The following CNTNAP5 variants were observed in gnomAD, a reference collection of about 807,000 sequenced individuals.
The protein encoded by CNTNAP5 is contactin associated protein family member 5.
CNTNAP5 carries 72 observed loss-of-function variants against 150.2 expected under a neutral mutation model. The observed-to-expected ratio is 0.48, with a 90% CI of 0.40 to 0.58. CNTNAP5 has a LOEUF of 0.58. Among genes scored for constraint, CNTNAP5 ranks in the 20% least tolerant of loss-of-function variants. The pLI, the probability that CNTNAP5 is intolerant of heterozygous loss-of-function variation, is 0.00. For synonymous variants in CNTNAP5, 672 were observed against 619.8 expected, an observed-to-expected ratio of 1.08 and a Z score of -1.25; for missense variants, 1,636 against 1,626.2, an observed-to-expected ratio of 1.01 and a Z score of -0.10.
At chr2:124,835,055 TA>T in intron 19 of CNTNAP5, among the ~76,000 whole-genome samples, 1 of 152,158 alleles carries the variant, frequency 6.6e-6, no homozygotes, top group East Asian at 1.9e-4. Flanking sequence ...TCACAATGCT[TA>T]AAACAGGGAT....
intron 1 of CNTNAP5, among the ~76,000 whole-genome samples, chr2:124,121,696 C>A (rs181409184): frequency 2.0e-5 from 3 of 152,220 alleles, no homozygotes; most frequent in East Asian, 3.9e-4. Context: ...GAACTCCTTG[C>A]CCCATCCCCC....
intron 12 of CNTNAP5, among the ~76,000 whole-genome samples, chr2:124,638,372 G>C (rs1678016477): frequency 6.6e-6 from 1 of 151,952 alleles, no homozygotes; most frequent in Non-Finnish European, 1.5e-5. Flanking sequence ...TAAAGTTAAA[G>C]ATTTCCTTGA....
intron 7 of CNTNAP5, among the ~76,000 whole-genome samples, chr2:124,480,712 G>A (rs78595587): frequency 0.022 from 3,297 of 152,130 alleles, 70 homozygotes; most frequent in South Asian, 0.054. Context: ...TCTCTTGATC[G>A]AAGGAATCAT....
At chr2:124,547,930 C>A (rs911963298) in intron 10 of CNTNAP5, among the ~76,000 whole-genome samples, 2 of 152,176 alleles carry the variant, frequency 1.3e-5, no homozygotes, top group African/African-American at 2.4e-5. Context: ...TCTCTTCCTG[C>A]TGTTTAGAGA....
chr2:124,588,663 A>G (rs1041448905), intron 11 of CNTNAP5, among the ~76,000 whole-genome samples: 8 of 152,154 alleles, frequency 5.3e-5, no homozygotes, highest in African/African-American at 1.4e-4. Context: ...AGATTAATGT[A>G]TCAGATCATG....
In CNTNAP5 at chr2:124,854,327, C is replaced by T. The variant is rs556317489; in HGVS notation, c.3218-10979C>T. Among the ~76,000 whole-genome samples the T allele has an allele frequency of 2.0e-5, 3 of 152,318 alleles. No individual in the cohort carries two copies. The East Asian group carries it at 5.8e-4, about 29-fold the overall frequency. On this transcript the variant is annotated intron_variant, in intron 19 of 23. Transcript: ENST00000682447. ...GGCACATACTTTATATACATCTGCA[C>T]TCCTTGGTTTAAATCCCATTTCATT... is the stretch of plus-strand genomic sequence containing the variant.
chr2:124,172,293 T>C (rs368060980), intron 1 of CNTNAP5, among the ~76,000 whole-genome samples: 2 of 152,332 alleles, frequency 1.3e-5, no homozygotes, highest in African/African-American at 4.8e-5. Context: ...ATTATAAAAG[T>C]GAGACGTGCT....
intron 18 of CNTNAP5, among the ~76,000 whole-genome samples, chr2:124,796,468 G>A (rs185592523): frequency 6.6e-6 from 1 of 152,322 alleles, no homozygotes; most frequent in African/African-American, 2.4e-5. Context: ...CACTGTCACA[G>A]ATGTCTGCTG....
chr2:124,726,869 T>C (rs1259218239), intron 13 of CNTNAP5, among the ~76,000 whole-genome samples: 2 of 152,056 alleles, frequency 1.3e-5, no homozygotes, highest in African/African-American at 4.8e-5. Flanking sequence ...TTTTTACTTT[T>C]GTTGTCTGTG....
At chr2:124,179,862 C>T (rs2699377) in intron 1 of CNTNAP5, among the ~76,000 whole-genome samples, 22,811 of 152,160 alleles carry the variant, frequency 0.15, 2,114 homozygotes, top group East Asian at 0.38. Flanking sequence ...AAGCTTGATG[C>T]TGCTCATCTG....
At chr2:124,897,936 AGTGTGTGTGTGTGTGTGT>A (rs56154943) in intron 21 of CNTNAP5, among the ~76,000 whole-genome samples, 3 of 142,110 alleles carry the variant, frequency 2.1e-5, no homozygotes, top group East Asian at 2.1e-4. Context: ...GCAAATGCCA[AGTGTGTGTGTGTGTGTGT>A]GTGTGTGTGT....
intron 13 of CNTNAP5, among the ~76,000 whole-genome samples, chr2:124,717,092 G>T (rs778614135): frequency 7.2e-5 from 11 of 152,056 alleles, no homozygotes; most frequent in Non-Finnish European, 1.6e-4. Flanking sequence ...ATTTTAATCA[G>T]GAGCACCATC....
intron 11 of CNTNAP5, among the ~76,000 whole-genome samples, chr2:124,569,984 C>A (rs1696115008): frequency 6.6e-6 from 1 of 152,080 alleles, no homozygotes; most frequent in African/African-American, 2.4e-5. Context: ...ACACTTGTAC[C>A]AGTCACATTC....
At chr2:124,740,340 T>C (rs1680471448) in intron 13 of CNTNAP5, among the ~76,000 whole-genome samples, 2 of 152,230 alleles carry the variant, frequency 1.3e-5, no homozygotes, top group Middle Eastern at 6.8e-3. Context: ...CATGGGTAAG[T>C]GGCATCGAGA....
At chr2:124,309,692 C>T (rs6758687) in intron 3 of CNTNAP5, among the ~76,000 whole-genome samples, 30,399 of 152,092 alleles carry the variant, frequency 0.2, 3,189 homozygotes, top group East Asian at 0.36. Context: ...TTAGCCAGAG[C>T]GGTGCCTCCC....
intron 11 of CNTNAP5, among the ~76,000 whole-genome samples, chr2:124,584,966 C>T (rs1442377879): frequency 1.3e-5 from 2 of 152,192 alleles, no homozygotes; most frequent in Admixed American, 6.5e-5. Flanking sequence ...AAAGCTCTCA[C>T]ATTGTATGAG....
At chr2:124,598,310 AGATGGGTTTTTGGTGTG>A in intron 11 of CNTNAP5, among the ~76,000 whole-genome samples, 1 of 89,612 alleles carries the variant, frequency 1.1e-5, no homozygotes, top group Non-Finnish European at 2.2e-5. Context: ...GGTGATGTAC[AGATGGGTTTTTGGTGTG>A]GATGTCCTTT....
intron 3 of CNTNAP5, among the ~76,000 whole-genome samples, chr2:124,302,638 C>T (rs546183495): frequency 8.5e-5 from 13 of 152,272 alleles, no homozygotes; most frequent in Admixed American, 2.0e-4. Flanking sequence ...CCCTTGATGA[C>T]CTTAATCACC....
chr2:124,625,580 C>A (rs1336435513), intron 12 of CNTNAP5, among the ~76,000 whole-genome samples: 1 of 152,170 alleles, frequency 6.6e-6, no homozygotes, highest in Admixed American at 6.6e-5. Flanking sequence ...AAGTCCCCAT[C>A]CTTATGTATC....
Sources: gnomAD v4.1 joint callset for allele counts (sites outside exome capture counted in the v4.1 genomes callset) on GRCh38, gnomAD v4.1.1 for gene constraint, MANE v1.5 for transcripts, NCBI Gene and HGNC (gene_info 2026-07-23, HGNC 2026-07-21) for gene names.